Variants in GRAP2 observed in about 807,000 individuals in gnomAD.
GRAP2 encodes the protein GRB2 related adaptor protein 2.
A neutral mutation model predicts 43.5 loss-of-function variants in GRAP2; 31 were observed. The ratio of observed to expected loss-of-function variants is 0.71; its 90% CI spans 0.54 to 0.96. The LOEUF (loss-of-function observed/expected upper bound fraction) is 0.96. Among genes scored for constraint, GRAP2 ranks in the 40% least tolerant of loss-of-function variants. The pLI, the probability that GRAP2 is intolerant of heterozygous loss-of-function variation, is 0.00. For synonymous variants in GRAP2, 156 were observed against 164.8 expected, an observed-to-expected ratio of 0.95 and a Z score of 0.41; for missense variants, 371 against 424.4, an observed-to-expected ratio of 0.87 and a Z score of 1.11.
At chr22:39,933,879 A>T (rs1030587572) in intron 1 of GRAP2, among the ~76,000 whole-genome samples, 3 of 152,050 alleles carry the variant, frequency 2.0e-5, no homozygotes, top group African/African-American at 7.2e-5. Flanking sequence ...TTGTGTGTCA[A>T]AAGCTTCAAC....
intron 1 of GRAP2, among the ~76,000 whole-genome samples, chr22:39,943,957 G>A (rs1176792484): frequency 6.6e-6 from 1 of 152,048 alleles, no homozygotes. Context: ...TTGACCTCAT[G>A]ATCCGCCCGC....
chr22:39,942,095 T>C (rs1182455626), intron 1 of GRAP2, among the ~76,000 whole-genome samples: 1 of 152,208 alleles, frequency 6.6e-6, no homozygotes, highest in Non-Finnish European at 1.5e-5. Context: ...GGTTCCTTTA[T>C]AGAGTGAGCC....
chr22:39,925,701 G>A (rs867031627), intron 1 of GRAP2, among the ~76,000 whole-genome samples: 1 of 152,184 alleles, frequency 6.6e-6, no homozygotes, highest in Non-Finnish European at 1.5e-5. Flanking sequence ...CATTTTGGAC[G>A]AATGAAGGAG....
At chr22:39,958,322 C>T (rs1185066274) in intron 3 of GRAP2, among the ~76,000 whole-genome samples, 2 of 152,056 alleles carry the variant, frequency 1.3e-5, no homozygotes, top group African/African-American at 4.8e-5. Flanking sequence ...ACATTAATCT[C>T]CCACCCACAG....
chr22:39,935,590 C>T (rs566363408), intron 1 of GRAP2, among the ~76,000 whole-genome samples: 43 of 152,164 alleles, frequency 2.8e-4, no homozygotes, highest in African/African-American at 9.9e-4. Flanking sequence ...TTTTTTAGTA[C>T]CTTTACTTGT....
intron 2 of GRAP2, among the ~76,000 whole-genome samples, chr22:39,950,851 C>A (rs955398323): frequency 3.9e-5 from 6 of 152,180 alleles, no homozygotes; most frequent in African/African-American, 1.4e-4. Flanking sequence ...GCAATGTCTG[C>A]CCCCCACCTT....
At chr22:39,899,898 A>G (rs114400315), upstream of GRAP2, among the ~76,000 whole-genome samples, 1,547 of 152,222 alleles carry the variant, frequency 0.01, 18 homozygotes, top group African/African-American at 0.035. Context: ...AAGCAAGAGA[A>G]TCACTTGTAC....
intron 3 of GRAP2, among the ~76,000 whole-genome samples, chr22:39,959,345 A>G (rs1425130415): frequency 2.0e-5 from 3 of 152,162 alleles, no homozygotes; most frequent in Non-Finnish European, 4.4e-5. Context: ...TCTTTTCCAC[A>G]GTAAAGATTA....
At chr22:39,952,059 C>A (rs1418359555) in intron 2 of GRAP2, among the ~76,000 whole-genome samples, 1 of 141,848 alleles carries the variant, frequency 7.0e-6, no homozygotes, top group African/African-American at 2.6e-5. Flanking sequence ...CAGAGTCTTG[C>A]TCTGTTGCCC....
chr22:39,968,393 A>C (rs1430816833), intron 6 of GRAP2, 121 bp downstream of exon 6: 2 of 1,087,278 alleles, frequency 1.8e-6, no homozygotes, highest in Non-Finnish European at 2.7e-6. Context: ...GACCCCCCCA[A>C]ATGGCAGAAA....
chr22:39,940,464 C>T (rs1569204545), intron 1 of GRAP2, among the ~76,000 whole-genome samples: 1 of 149,948 alleles, frequency 6.7e-6, no homozygotes, highest in Non-Finnish European at 1.5e-5. Flanking sequence ...TAAGCAGTGG[C>T]TTACAGGCGA....
chr22:39,955,431 C>T (rs1054740904), intron 2 of GRAP2, among the ~76,000 whole-genome samples: 1 of 151,924 alleles, frequency 6.6e-6, no homozygotes, highest in Non-Finnish European at 1.5e-5. Context: ...AAAAATACAC[C>T]GTGGAGTAAC....
chr22:39,944,543 G>T (rs190812548), intron 1 of GRAP2, among the ~76,000 whole-genome samples: 3 of 152,278 alleles, frequency 2.0e-5, no homozygotes, highest in East Asian at 3.9e-4. Context: ...GTTTAGTTGG[G>T]TTTTTTGAGC....
intron 1 of GRAP2, among the ~76,000 whole-genome samples, chr22:39,903,043 C>G (rs902798866): frequency 2.6e-5 from 4 of 152,132 alleles, no homozygotes; most frequent in Non-Finnish European, 4.4e-5. Flanking sequence ...ATAATAACAC[C>G]CACTGGTGTT....
intron 1 of GRAP2, among the ~76,000 whole-genome samples, chr22:39,931,121 C>T (rs921850334): frequency 3.3e-5 from 5 of 152,108 alleles, no homozygotes; most frequent in Non-Finnish European, 7.4e-5. Context: ...TCATGCTCTA[C>T]ACAGGGCTTG....
chr22:39,970,919 C>A lies in GRAP2; in HGVS notation c.828C>A (p.Ala276=). ...TCCCCCAACAGCGAGTGCGGTGGGC[C>A]CGGGCGCTGTATGACTTTGAGGCCC... is the stretch of plus-strand genomic sequence containing the variant. ...QLQAAGRVRW[A]RALYDFEALE... Residue 276 remains alanine, a synonymous_variant, in exon 8 of 8, where the codon GCC becomes GCA. Transcript: ENST00000344138. 6.2e-7 allele frequency: 1 copy of A among 1,608,452 alleles called. No individual in the cohort carries two copies. The highest frequency in any genetic ancestry group is 8.5e-7 in the Non-Finnish European group (1 of 1,177,736).
chr22:39,920,884 G>C (rs2066643336), intron 1 of GRAP2, among the ~76,000 whole-genome samples: 2 of 150,922 alleles, frequency 1.3e-5, no homozygotes, highest in Admixed American at 1.3e-4. Flanking sequence ...GACAAGACCT[G>C]ATAGGCCAGC....
chr22:39,955,211 A>C (rs776574003), intron 2 of GRAP2, among the ~76,000 whole-genome samples: 4 of 152,164 alleles, frequency 2.6e-5, no homozygotes, highest in Non-Finnish European at 5.9e-5. Context: ...ATGAAAAATT[A>C]GCCAGGTGTA....
At chr22:39,969,178 TGA>T (rs1305068780) in intron 6 of GRAP2, among the ~76,000 whole-genome samples, 1 of 152,244 alleles carries the variant, frequency 6.6e-6, no homozygotes, top group African/African-American at 2.4e-5. Context: ...GGTAGGTGCC[TGA>T]TAAATATTTC....
Sources: allele counts gnomAD v4.1 joint callset (sites outside exome capture counted in the v4.1 genomes callset), GRCh38; gene constraint gnomAD v4.1.1; transcripts MANE v1.5; gene names NCBI Gene and HGNC (gene_info 2026-07-23, HGNC 2026-07-21).